Variants in PPM1E observed in about 807,000 individuals in gnomAD.
PPM1E encodes protein phosphatase 1E.
In PPM1E, 20 loss-of-function variants were observed where a neutral mutation model predicts 65.9. That is an observed-to-expected ratio of 0.30 (90% CI 0.21 to 0.44). The LOEUF is 0.44. Ranked by LOEUF, PPM1E falls within the 20% of genes least tolerant of loss-of-function variation. The probability of loss-of-function intolerance (pLI) is 1.00; values close to 1 mark genes in which losing one functional copy is unlikely to be tolerated. For synonymous variants in PPM1E, 352 were observed against 374.9 expected (o/e 0.94, Z 0.70); for missense variants, 713 against 953.1 (o/e 0.75, Z 3.32).
chr17:58,815,003 A>G (rs1658176525), intron 1 of PPM1E, among the ~76,000 whole-genome samples: 1 of 152,372 alleles, frequency 6.6e-6, no homozygotes, highest in African/African-American at 2.4e-5. Context: ...GTGAATCCTC[A>G]ACGATAAAAG....
At chr17:58,879,869 T>C (rs560148650) in intron 1 of PPM1E, among the ~76,000 whole-genome samples, 1 of 152,264 alleles carries the variant, frequency 6.6e-6, no homozygotes, top group Non-Finnish European at 1.5e-5. Flanking sequence ...CCAGAACCCT[T>C]GGGCTTTGGA....
At chr17:58,862,685 G>A (rs192244712) in intron 1 of PPM1E, among the ~76,000 whole-genome samples, 8 of 152,310 alleles carry the variant, frequency 5.3e-5, no homozygotes, top group Admixed American at 1.3e-4. Context: ...GTCAATGATT[G>A]TATATCTATA....
chr17:58,862,237 A>G (rs1018923279), intron 1 of PPM1E, among the ~76,000 whole-genome samples: 4 of 152,238 alleles, frequency 2.6e-5, no homozygotes, highest in African/African-American at 9.6e-5. Context: ...GGCTTTTGGC[A>G]AAGGAATTTT....
chr17:58,973,929 G>A (rs2143753352), intron 6 of PPM1E, among the ~76,000 whole-genome samples: 1 of 147,578 alleles, frequency 6.8e-6, no homozygotes, highest in South Asian at 2.2e-4. Flanking sequence ...TCCAGGCTGG[G>A]CGACAGAGCG....
intron 2 of PPM1E, among the ~76,000 whole-genome samples, chr17:58,963,387 C>CAA (rs748542659): frequency 1.0e-4 from 8 of 78,624 alleles, no homozygotes; most frequent in Admixed American, 1.5e-4. Context: ...AACTCTGTCT[C>CAA]AAAAAAAAAA....
chr17:58,755,916 G>GT lies in PPM1E; in HGVS notation c.-82_-81insT. ...GCGGCCGTTAACCGCCCTTGCCGGA[G>GT]CCCTAGGCTCAAAAGCAGCCCCTTA... On this transcript the variant is annotated 5_prime_UTR_variant, in exon 1 of 7. Coordinates refer to ENST00000308249, the MANE Select transcript of PPM1E (RefSeq NM_014906.5). The GT allele has an allele frequency of 6.3e-7, 1 of 1,579,786 alleles. No individual in the cohort carries two copies. Among genetic ancestry groups the GT allele is most frequent in the Non-Finnish European group, 8.6e-7 (1 of 1,163,180 alleles).
chr17:58,978,911 T>C (rs1245321664), intron 6 of PPM1E, among the ~76,000 whole-genome samples: 1 of 152,126 alleles, frequency 6.6e-6, no homozygotes, highest in African/African-American at 2.4e-5. Context: ...AAACCTAGTT[T>C]AGTGTGGTCC....
At chr17:58,823,236 A>C (rs1185197121) in intron 1 of PPM1E, among the ~76,000 whole-genome samples, 1 of 152,190 alleles carries the variant, frequency 6.6e-6, no homozygotes, top group Non-Finnish European at 1.5e-5. Context: ...TGAAATGGTC[A>C]TATTTCTGTC....
At chr17:58,866,047 G>T (rs753140919) in intron 1 of PPM1E, among the ~76,000 whole-genome samples, 2 of 152,198 alleles carry the variant, frequency 1.3e-5, no homozygotes, top group Non-Finnish European at 2.9e-5. Flanking sequence ...TAGATGCAGA[G>T]AGGGAGATTT....
At chr17:58,924,584 A>G (rs2051799842) in intron 1 of PPM1E, among the ~76,000 whole-genome samples, 1 of 152,012 alleles carries the variant, frequency 6.6e-6, no homozygotes, top group South Asian at 2.1e-4. Flanking sequence ...TTTTACTTTA[A>G]GTTTCGGGAT....
At chr17:58,789,318 T>C (rs2050133432) in intron 1 of PPM1E, among the ~76,000 whole-genome samples, 1 of 152,170 alleles carries the variant, frequency 6.6e-6, no homozygotes, top group South Asian at 2.1e-4. Flanking sequence ...CATACCTCAT[T>C]CTTTTCCATC....
intron 1 of PPM1E, among the ~76,000 whole-genome samples, chr17:58,955,241 T>C (rs113055864): frequency 2.0e-5 from 3 of 152,282 alleles, no homozygotes; most frequent in African/African-American, 7.2e-5. Flanking sequence ...GGCACATGCC[T>C]GTAGTCCCAG....
At chr17:58,849,688 C>T (rs2050806064) in intron 1 of PPM1E, among the ~76,000 whole-genome samples, 2 of 152,138 alleles carry the variant, frequency 1.3e-5, no homozygotes, top group Non-Finnish European at 2.9e-5. Context: ...TGCTTTACTT[C>T]CAACTATGTG....
intron 2 of PPM1E, among the ~76,000 whole-genome samples, chr17:58,961,413 C>A (rs1483567313): frequency 2.0e-5 from 3 of 152,284 alleles, no homozygotes; most frequent in East Asian, 1.9e-4. Context: ...TTGAGTCAGA[C>A]AGACCTAGGA....
At chr17:58,815,297 C>A (rs2050404805) in intron 1 of PPM1E, among the ~76,000 whole-genome samples, 1 of 152,158 alleles carries the variant, frequency 6.6e-6, no homozygotes, top group African/African-American at 2.4e-5. Flanking sequence ...AACCTGAAGC[C>A]TAAACTAATG....
intron 4 of PPM1E, among the ~76,000 whole-genome samples, chr17:58,970,471 G>C (rs2143709310): frequency 6.6e-6 from 1 of 152,216 alleles, no homozygotes. Flanking sequence ...TACAGAAGTA[G>C]ATACAGACAA....
At chr17:58,853,511 G>A (rs2050850206) in intron 1 of PPM1E, among the ~76,000 whole-genome samples, 1 of 152,090 alleles carries the variant, frequency 6.6e-6, no homozygotes, top group Non-Finnish European at 1.5e-5. Flanking sequence ...CTTGATTACT[G>A]TAGCTTTGTA....
chr17:58,889,221 T>C (rs2051316447), intron 1 of PPM1E, among the ~76,000 whole-genome samples: 1 of 152,112 alleles, frequency 6.6e-6, no homozygotes, highest in South Asian at 2.1e-4. Flanking sequence ...AATCTGTGTG[T>C]GGGAGTTCAT....
At position 58,980,687 on chromosome 17, in the gene PPM1E, A is replaced by C. The variant is rs2031303913; in HGVS notation, c.1924A>C (p.Met642Leu). ...LGSTGEQIYR[M>L]QSLSPVCSGL... ...TTCAACAGGGGAGCAGATATACAGA[A>C]TGCAGAGCTTGTCTCCTGTCTGTTC... Residue 642 changes from methionine (M) to leucine (L), a missense_variant, in exon 7 of 7, where the codon ATG (methionine) becomes CTG (leucine). Met to Leu is a conservative substitution (Grantham distance 15, BLOSUM62 2). This residue lies in a region of PPM1E where 286 missense variants were observed against 313.8 expected (regional missense o/e 0.91). Transcript: ENST00000308249. The surrounding 1 kb of genome is among the most constrained non-coding windows in gnomAD (Gnocchi z 4.7). The C allele has an allele frequency of 1.9e-6, 3 of 1,614,098 alleles. No homozygotes were observed. The South Asian group carries it at 3.3e-5, about 18-fold the overall frequency.
Sources: allele counts gnomAD v4.1 joint callset (sites outside exome capture counted in the v4.1 genomes callset), GRCh38; gene constraint gnomAD v4.1.1; regional missense constraint gnomAD v4.1.1; non-coding constraint Gnocchi (gnomAD v3.1); transcripts MANE v1.5; gene names NCBI Gene and HGNC (gene_info 2026-07-23, HGNC 2026-07-21).